Variants in HIP1 observed in about 807,000 individuals in gnomAD.
HIP1 encodes huntingtin interacting protein 1.
A neutral mutation model predicts 147.6 loss-of-function variants in HIP1; 65 were observed. That is an observed-to-expected ratio of 0.44 (90% CI 0.36 to 0.54). HIP1 has a LOEUF of 0.54. Among genes scored for constraint, HIP1 ranks in the 20% least tolerant of loss-of-function variants. HIP1 has a pLI of 0.00. For synonymous variants in HIP1, 479 were observed against 504.0 expected, an observed-to-expected ratio of 0.95 and a Z score of 0.67; for missense variants, 1,061 against 1,299.6, an observed-to-expected ratio of 0.82 and a Z score of 2.82.
intron 25 of HIP1, 56 bp downstream of exon 25, chr7:75,546,883 C>T (rs912933907): frequency 2.8e-5 from 34 of 1,217,460 alleles, no homozygotes; most frequent in East Asian, 2.3e-4. Flanking sequence ...TCCGTTGGAG[C>T]GGGAGTCTGT....
chr7:75,660,477 A>T (rs1176938872), intron 1 of HIP1, among the ~76,000 whole-genome samples: 1 of 152,144 alleles, frequency 6.6e-6, no homozygotes, highest in Admixed American at 6.6e-5. Flanking sequence ...CAGTGAACCG[A>T]GATTGCACCA....
chr7:75,570,796 C>T (rs1306566373), intron 8 of HIP1, among the ~76,000 whole-genome samples: 1 of 151,884 alleles, frequency 6.6e-6, no homozygotes, highest in Non-Finnish European at 1.5e-5. Context: ...CACTTGAGCT[C>T]AGGAGTTCGA....
At chr7:75,712,237 A>T (rs1314179240) in intron 1 of HIP1, among the ~76,000 whole-genome samples, 3 of 152,156 alleles carry the variant, frequency 2.0e-5, no homozygotes, top group African/African-American at 7.2e-5. Flanking sequence ...CATCATCAAC[A>T]TAGCTCTTTA....
At chr7:75,705,184 TC>T (rs1800949353) in intron 1 of HIP1, among the ~76,000 whole-genome samples, 1 of 151,878 alleles carries the variant, frequency 6.6e-6, no homozygotes, top group East Asian at 1.9e-4. Context: ...CCATCTCCCT[TC>T]CCCCAAGCCC....
At chr7:75,542,414 T>C (rs1299521884) in intron 28 of HIP1, among the ~76,000 whole-genome samples, 1 of 137,968 alleles carries the variant, frequency 7.2e-6, no homozygotes, top group Non-Finnish European at 1.6e-5. Flanking sequence ...GAAAAAAAAA[T>C]GGCAGGGCGC....
At chr7:75,632,436 C>T (rs1209932933) in intron 1 of HIP1, among the ~76,000 whole-genome samples, 2 of 152,066 alleles carry the variant, frequency 1.3e-5, no homozygotes, top group Non-Finnish European at 2.9e-5. Context: ...GAAAAGGTCT[C>T]ACTCTGCCAC....
At chr7:75,542,118 C>T (rs1397923501) in intron 28 of HIP1, 138 bp from the exon 29 acceptor site, 5 of 720,790 alleles carry the variant, frequency 6.9e-6, no homozygotes, top group African/African-American at 3.5e-5. Context: ...GTGAGGGGGC[C>T]AGACAACGGT....
intron 1 of HIP1, among the ~76,000 whole-genome samples, chr7:75,624,480 C>T (rs887664024): frequency 1.3e-5 from 2 of 152,048 alleles, no homozygotes; most frequent in African/African-American, 4.8e-5. Context: ...GGGTGTTGGC[C>T]GTGGGGGAGT....
chr7:75,543,180 A>C lies in HIP1; in HGVS notation c.2767-206T>G, dbSNP rs587668422. ...CTGGCTTCTTTGCTTGGTGGATCCC[A>C]AACTCTAAGCATTATCACTTATTTG... On this transcript the variant is annotated intron_variant, in intron 27 of 30. Transcript: ENST00000336926. 7.2e-5 allele frequency among the ~76,000 whole-genome samples: 11 copies of C among 152,278 alleles called. No homozygotes were observed. In the East Asian group the frequency reaches 2.1e-3, roughly 29 times the overall value.
chr7:75,621,383 T>C lies in HIP1; in HGVS notation c.121-22136A>G, dbSNP rs115331314. Among the ~76,000 whole-genome samples the C allele has an allele frequency of 9.3e-3, 1,422 of 152,254 alleles. 23 individuals are homozygous for C. Among genetic ancestry groups the C allele is most frequent in the African/African-American group, 0.033 (1,352 of 41,556 alleles). ...GTGGCTCATGGTGAGGACTGACCTT[T>C]GTTCCACATAAGACTGGGGCCACTG... On this transcript the variant is annotated intron_variant, in intron 1 of 30. Transcript: ENST00000336926.
intron 1 of HIP1, among the ~76,000 whole-genome samples, chr7:75,704,459 G>A (rs561158261): frequency 2.3e-4 from 35 of 152,244 alleles, no homozygotes; most frequent in Non-Finnish European, 4.3e-4. Context: ...GGTCAGGCTG[G>A]TCTCGAACTC....
At chr7:75,547,422 C>G (rs1430813428) in intron 24 of HIP1, among the ~76,000 whole-genome samples, 15 of 152,110 alleles carry the variant, frequency 9.9e-5, no homozygotes, top group Admixed American at 9.8e-4. Context: ...CATGCACCAC[C>G]ACGCCTGGCT....
At chr7:75,720,906 A>C (rs1410861436) in intron 1 of HIP1, among the ~76,000 whole-genome samples, 1 of 151,860 alleles carries the variant, frequency 6.6e-6, no homozygotes, top group African/African-American at 2.4e-5. Flanking sequence ...GGTGTGGTGG[A>C]ACATGCCTGT....
chr7:75,695,271 CT>C (rs1237518730), intron 1 of HIP1, among the ~76,000 whole-genome samples: 4 of 152,098 alleles, frequency 2.6e-5, no homozygotes. Flanking sequence ...ATTGTGCAGG[CT>C]TTTTTTTCTG....
rs587599294 is a variant in HIP1, at chr7:75,558,708, G to T, written c.1376-453C>A. Among the ~76,000 whole-genome samples, 194 of 152,132 alleles carry T rather than the reference G, an allele frequency of 1.3e-3. 2 individuals carry two copies. Among genetic ancestry groups the T allele is most frequent in the African/African-American group, 4.3e-3 (179 of 41,526 alleles). ...TTCTCCAGGAAGTCATCTTTAAAAA[G>T]AATTCAACTAGTTAAAAATCAAGCC... On this transcript the variant is annotated intron_variant, in intron 14 of 30. Transcript: ENST00000336926.
intron 1 of HIP1, among the ~76,000 whole-genome samples, chr7:75,664,418 A>G (rs1294716228): frequency 7.7e-6 from 1 of 129,490 alleles, no homozygotes; most frequent in Non-Finnish European, 1.7e-5. Context: ...ACACATACAT[A>G]TGTGTGTGTA....
At position 75,738,870 on chromosome 7, in the gene HIP1, C is replaced by A; in HGVS notation, c.51G>T (p.Lys17Asn). The change falls in exon 1 of 31, where the codon AAG becomes AAT. Residue 17 changes from lysine (K) to asparagine (N), a missense_variant. This residue lies in a region of HIP1 where 225 missense variants were observed against 292.9 expected (regional missense o/e 0.77). Transcript: ENST00000336926. ...SMKQVPNPLP[K>N]VLSRRGVGAG... Reference sequence around the variant, plus strand: ...CGCCGACCCCGCGCCGGCTCAGCACCTTGGGCAGTGGGTTGGGCACCTGCT... The same window carrying A: ...CGCCGACCCCGCGCCGGCTCAGCACATTGGGCAGTGGGTTGGGCACCTGCT... The A allele has an allele frequency of 1.9e-6, 3 of 1,577,618 alleles. No homozygotes were observed. The highest frequency in any genetic ancestry group is 2.4e-5 in the East Asian group (1 of 42,006).
At position 75,558,203 on chromosome 7, in the gene HIP1, G is replaced by A. The variant is rs201773342; in HGVS notation, c.1428C>T (p.Ser476=). The change falls in exon 15 of 31, where the codon AGC becomes AGT. Residue 476 remains serine, a synonymous_variant. Transcript: ENST00000336926. The part of the protein sequence containing the change: ...QRYSKLKEKY[S]ELVQNHADLL... ...GGTCAGCGTGGTTCTGAACCAGCTC[G>A]CTGTACTTCTCCTTTAGCTTGCTAT... 15 of 1,614,042 alleles carry A rather than the reference G, an allele frequency of 9.3e-6. 1 individual carries two copies. The highest frequency in any genetic ancestry group is 6.6e-5 in the South Asian group (6 of 91,092).
At chr7:75,539,986 T>C (rs1469662510) in intron 29 of HIP1, among the ~76,000 whole-genome samples, 2 of 152,206 alleles carry the variant, frequency 1.3e-5, no homozygotes, top group Admixed American at 6.5e-5. Context: ...GAAGCAAATA[T>C]GATGGTTCTG....
Sources: allele counts gnomAD v4.1 joint callset (sites outside exome capture counted in the v4.1 genomes callset), GRCh38; gene constraint gnomAD v4.1.1; regional missense constraint gnomAD v4.1.1; transcripts MANE v1.5; gene names NCBI Gene and HGNC (gene_info 2026-07-23, HGNC 2026-07-21).